Variants in RICTOR observed in about 807,000 individuals in gnomAD.
The protein encoded by RICTOR is RPTOR independent companion of MTOR complex 2.
Under a neutral mutation model 214.9 loss-of-function variants are expected in RICTOR, and 49 were observed. That is an observed-to-expected ratio of 0.23 (90% CI 0.18 to 0.29). RICTOR has a LOEUF of 0.29. RICTOR is among the 10% of genes least tolerant of loss of function. RICTOR has a pLI of 1.00. For synonymous variants in RICTOR, 717 were observed against 711.3 expected (o/e 1.01, Z -0.13); for missense variants, 1,625 against 2,047.0 (o/e 0.79, Z 3.98).
chr5:38,978,198 T>G (rs533181880), intron 9 of RICTOR, among the ~76,000 whole-genome samples: 10 of 152,330 alleles, frequency 6.6e-5, no homozygotes, highest in African/African-American at 2.2e-4. Flanking sequence ...TGTATTAAAC[T>G]TATTCTCAGA....
intron 3 of RICTOR, among the ~76,000 whole-genome samples, chr5:39,009,005 AC>A (rs1754285303): frequency 6.6e-6 from 1 of 152,092 alleles, no homozygotes; most frequent in Non-Finnish European, 1.5e-5. Context: ...AAAAAATGTT[AC>A]TTTCTTAAAT....
In RICTOR at chr5:38,991,161, A is replaced by C. The variant is rs955064046; in HGVS notation, c.457-86T>G. Reference sequence around the variant, plus strand: ...TGTCCAGACTGAAGTAGTTAATAACAGAATAAGATCCAGAATAAGATCTAG... The same window carrying C: ...TGTCCAGACTGAAGTAGTTAATAACCGAATAAGATCCAGAATAAGATCTAG... On this transcript the variant is annotated intron_variant, in intron 6 of 37. Transcript: ENST00000357387. 11 of 754,570 alleles carry C rather than the reference A, an allele frequency of 1.5e-5. No individual in the cohort carries two copies. The Admixed American group carries it at 3.3e-4, about 23-fold the overall frequency. 46.7% of individuals were successfully genotyped at this position (754,570 alleles called of 1,614,324 possible). A position where few individuals can be genotyped will look rare whatever the true frequency, so the allele number is the denominator to read the frequency against.
intron 3 of RICTOR, among the ~76,000 whole-genome samples, chr5:39,011,401 G>C (rs527308042): frequency 6.6e-6 from 1 of 152,324 alleles, no homozygotes; most frequent in East Asian, 1.9e-4. Context: ...GGACACTGTG[G>C]AAGGGAAATG....
chr5:38,963,434 T>C (rs1749960982), intron 16 of RICTOR, among the ~76,000 whole-genome samples: 2 of 151,990 alleles, frequency 1.3e-5, no homozygotes. Flanking sequence ...GTTGAAATAA[T>C]TTCACTGTAC....
chr5:39,012,309 TGAA>T (rs920631118), intron 3 of RICTOR, among the ~76,000 whole-genome samples: 2 of 152,192 alleles, frequency 1.3e-5, no homozygotes, highest in African/African-American at 4.8e-5. Context: ...TGCCGCCATG[TGAA>T]GAAGGACATG....
intron 2 of RICTOR, among the ~76,000 whole-genome samples, chr5:39,038,763 T>C (rs915475553): frequency 6.6e-6 from 1 of 152,110 alleles, no homozygotes; most frequent in Non-Finnish European, 1.5e-5. Flanking sequence ...TTACAAGGGA[T>C]GTGAAGGACC....
chr5:38,959,797 T>C lies in RICTOR; in HGVS notation c.2033A>G (p.Lys678Arg). 1 of 1,612,934 alleles carries C rather than the reference T, an allele frequency of 6.2e-7. No homozygotes were observed. The highest frequency in any genetic ancestry group is 1.1e-5 in the South Asian group (1 of 91,050). The part of the protein sequence containing the change: ...CHPHGVKMLE[K>R]CSVFQCLLNL... Reference sequence around the variant, plus strand: ...TGCTCACCACTGAAATACACTGCATTTTTCCAGCATTTTAACTCCATGAGG... The same window carrying C: ...TGCTCACCACTGAAATACACTGCATCTTTCCAGCATTTTAACTCCATGAGG... The change falls in exon 21 of 38, where the codon AAA becomes AGA. Residue 678 changes from lysine (K) to arginine (R), a missense_variant. Lys to Arg is a conservative substitution (Grantham distance 26, BLOSUM62 2). Coordinates refer to ENST00000357387, the MANE Select transcript of RICTOR (RefSeq NM_152756.5).
At chr5:38,993,315 T>C (rs768786290) in intron 6 of RICTOR, among the ~76,000 whole-genome samples, 2 of 152,024 alleles carry the variant, frequency 1.3e-5, no homozygotes, top group Non-Finnish European at 2.9e-5. Context: ...AAACTATATA[T>C]GAAAAAAATG....
intron 5 of RICTOR, among the ~76,000 whole-genome samples, chr5:39,001,510 A>G (rs555033575): frequency 2.0e-5 from 3 of 152,210 alleles, no homozygotes; most frequent in South Asian, 4.1e-4. Flanking sequence ...GAAAACACAG[A>G]TCTCTTCCAA....
At chr5:38,971,846 G>T (rs2150042231) in intron 11 of RICTOR, 31 bp downstream of exon 11, 1 of 886,250 alleles carries the variant, frequency 1.1e-6, no homozygotes, top group Non-Finnish European at 1.9e-6. Context: ...AAAGGTCCAG[G>T]AATGAAACAA....
chr5:39,050,181 T>TAAAC (rs893735488), intron 2 of RICTOR, among the ~76,000 whole-genome samples: 2 of 149,250 alleles, frequency 1.3e-5, no homozygotes, highest in African/African-American at 4.9e-5. Context: ...TATATAAATA[T>TAAAC]AAACAAATAA....
Position 38,940,623 on chromosome 5 carries a change from A to C in RICTOR, c.*1681T>G. Reference sequence around the variant, plus strand: ...AGAACCACTTTTCAACATAAGCAGCAGCTTACAGCCCTTATCTGCTTTGTT... The same window carrying C: ...AGAACCACTTTTCAACATAAGCAGCCGCTTACAGCCCTTATCTGCTTTGTT... On this transcript the variant is annotated 3_prime_UTR_variant, in exon 38 of 38. Coordinates refer to ENST00000357387, the MANE Select transcript of RICTOR (RefSeq NM_152756.5). 4.3e-6 allele frequency: 1 copy of C among 232,934 alleles called. No homozygotes were observed. The highest frequency in any genetic ancestry group is 1.3e-3 in the Middle Eastern group (1 of 780). 14.4% of individuals were successfully genotyped at this position (232,934 alleles called of 1,614,324 possible).
At chr5:39,017,716 T>C (rs977468392) in intron 3 of RICTOR, among the ~76,000 whole-genome samples, 4 of 152,104 alleles carry the variant, frequency 2.6e-5, no homozygotes, top group African/African-American at 9.7e-5. Flanking sequence ...ACATAAAAAA[T>C]TGTATTACAT....
chr5:39,073,204 C>T (rs1275784049), intron 2 of RICTOR, among the ~76,000 whole-genome samples: 1 of 152,168 alleles, frequency 6.6e-6, no homozygotes, highest in Admixed American at 6.5e-5. Context: ...GGGTTACACT[C>T]CAAGCTACAG....
chr5:39,062,893 G>T (rs1391808110), intron 2 of RICTOR, among the ~76,000 whole-genome samples: 2 of 151,994 alleles, frequency 1.3e-5, no homozygotes, highest in Non-Finnish European at 2.9e-5. Context: ...GTCTGAATTT[G>T]GCAATGAAAC....
chr5:38,991,160 C>A, intron 6 of RICTOR, 85 bp from the exon 7 acceptor site: 1 of 753,866 alleles, frequency 1.3e-6, no homozygotes, highest in South Asian at 2.5e-5. Flanking sequence ...TAGTTAATAA[C>A]AGAATAAGAT....
At chr5:38,975,434 C>G (rs990124465) in intron 10 of RICTOR, 103 bp downstream of exon 10, 33 of 770,156 alleles carry the variant, frequency 4.3e-5, no homozygotes, top group Non-Finnish European at 6.5e-5. Flanking sequence ...CAAAGTAAGA[C>G]TAGATTAGCA....
Position 39,009,901 on chromosome 5 carries a change from C to T in RICTOR, c.196-6279G>A, listed in dbSNP as rs530059547. 3.3e-4 allele frequency among the ~76,000 whole-genome samples: 51 copies of T among 152,280 alleles called. No individual in the cohort carries two copies. In the South Asian group the frequency reaches 0.01, roughly 31 times the overall value. ...ATAAGAATGACTTTGATACAAACTT[C>T]TTGTGATGACTACCTTACTAGTTAT... On this transcript the variant is annotated intron_variant, in intron 3 of 37. Transcript: ENST00000357387.
At position 38,951,971 on chromosome 5, in the gene RICTOR, T is replaced by A. The variant is rs575618064; in HGVS notation, c.3127+225A>T. Among the ~76,000 whole-genome samples, 6 of 152,080 alleles carry A rather than the reference T, an allele frequency of 3.9e-5. No individual in the cohort carries two copies. The East Asian group carries it at 9.7e-4, about 24-fold the overall frequency. ...GCACATGGCTTATTACATAACTTTG[T>A]AGGAATCCTCAAAAGCTACTTAGAA... On this transcript the variant is annotated intron_variant, in intron 30 of 37. Coordinates refer to ENST00000357387, the MANE Select transcript of RICTOR (RefSeq NM_152756.5).
Sources: allele counts gnomAD v4.1 joint callset (sites outside exome capture counted in the v4.1 genomes callset), GRCh38; gene constraint gnomAD v4.1.1; transcripts MANE v1.5; gene names NCBI Gene and HGNC (gene_info 2026-07-23, HGNC 2026-07-21).